The following MVP variants were observed in gnomAD, a reference collection of about 807,000 sequenced individuals.
MVP encodes the protein lung resistance-related protein.
Under a neutral mutation model 83.5 loss-of-function variants are expected in MVP, and 62 were observed. The observed-to-expected ratio is 0.74, with a 90% confidence interval of 0.61 to 0.92. The LOEUF (loss-of-function observed/expected upper bound fraction) is 0.92, where lower values mean the gene tolerates loss of function less well. Among genes scored for constraint, MVP ranks in the 40% least tolerant of loss-of-function variants. MVP has a pLI of 0.00. For missense variants in MVP, 1,000 were observed against 1,203.4 expected (o/e 0.83, Z 2.50); for synonymous variants, 505 against 504.1 (o/e 1.00, Z -0.02).
Position 29,833,821 on chromosome 16 carries a change from TG to T in MVP, c.412del (p.Val138TrpfsTer54). Reference sequence around the variant, plus strand: ...TTTGAGGATAAAGATGGAGACAAGGTGGTGGCAGGAGATGAGTGGCTTTTCG... The same window carrying T: ...TTTGAGGATAAAGATGGAGACAAGGTGTGGCAGGAGATGAGTGGCTTTTCG... ...LDFEDKDGDK[V>X]VAGDEWLFEG... On this transcript the variant is annotated frameshift_variant, in exon 4 of 15. Coordinates refer to ENST00000357402, the MANE Select transcript of MVP (RefSeq NM_005115.5). LOFTEE classifies it high-confidence loss of function. 1 of 1,614,036 alleles carries T rather than the reference TG, an allele frequency of 6.2e-7. No individual in the cohort carries two copies. The highest frequency in any genetic ancestry group is 8.5e-7 in the Non-Finnish European group (1 of 1,180,000).
Position 29,836,791 on chromosome 16 carries a change from G to A in MVP, c.742G>A (p.Glu248Lys), listed in dbSNP as rs753691308. 1 of 1,613,364 alleles carries A rather than the reference G, an allele frequency of 6.2e-7. No individual in the cohort carries two copies. Among genetic ancestry groups the A allele is most frequent in the South Asian group, 1.1e-5 (1 of 91,026 alleles). The change falls in exon 7 of 15, where the codon GAG becomes AAG. Residue 248 changes from glutamate (E) to lysine (K), a missense_variant. Physicochemically the swap from Glu to Lys is moderately conservative, Grantham distance 56. Coordinates refer to ENST00000357402, the MANE Select transcript of MVP (RefSeq NM_005115.5). ...FRGVSRRTGE[E>K]WLVTVQDTEA... The stretch of plus-strand genomic sequence containing the variant: ...GGGAGTGTCCCGCCGCACTGGGGAG[G>A]AGTGGCTGGTAACAGTGCAGGACAC...
chr16:29,837,079 ATGC>A (rs1327299613), intron 7 of MVP, 121 bp downstream of exon 7: 1 of 905,470 alleles, frequency 1.1e-6, no homozygotes, highest in African/African-American at 1.7e-5. Context: ...GTGCCTTTGC[ATGC>A]TTAGTTCTTA....
rs1391186699 is a variant in MVP at position 29,834,002 on chromosome 16, C to G, written c.513C>G (p.Asn171Lys). The part of the protein sequence containing the change: ...EIIQATIIRQ[N>K]QALRLRARKE... The stretch of plus-strand genomic sequence containing the variant: ...TTCAGGCCACCATCATCAGGCAGAA[C>G]CAGGCTCTGCGGCTCAGGGCCCGCA... The change falls in exon 5 of 15, where the codon AAC becomes AAG. Residue 171 changes from asparagine (N) to lysine (K), a missense_variant. Coordinates refer to ENST00000357402, the MANE Select transcript of MVP (RefSeq NM_005115.5). 6.2e-7 allele frequency: 1 copy of G among 1,614,108 alleles called. No homozygotes were observed.
At position 29,832,367 on chromosome 16, in the gene MVP, G is replaced by A. The variant is rs560370804; in HGVS notation, c.321+1294G>A. Among the ~76,000 whole-genome samples the A allele has an allele frequency of 5.7e-4, 77 of 135,002 alleles. 1 individual carries two copies. Among genetic ancestry groups the A allele is most frequent in the Admixed American group, 2.3e-3 (27 of 11,842 alleles). The allele number at this position is 135,002 out of a possible 152,430, so 88.6% of individuals were successfully genotyped here. A position where few individuals can be genotyped will look rare whatever the true frequency, so the allele number is the denominator to read the frequency against. Reference sequence around the variant, plus strand: ...GGCTGGAGTACAGTGGCATAATCTCGGCTAACTGGAAGCTCTGCCTCCCAG... The same window carrying A: ...GGCTGGAGTACAGTGGCATAATCTCAGCTAACTGGAAGCTCTGCCTCCCAG... On this transcript the variant is annotated intron_variant, in intron 3 of 14. Transcript: ENST00000357402.
chr16:29,843,368 G>A (rs2067550130), intron 10 of MVP, among the ~76,000 whole-genome samples: 1 of 150,946 alleles, frequency 6.6e-6, no homozygotes, highest in South Asian at 2.1e-4. Flanking sequence ...GGTGGTACAT[G>A]TCTATAGACC....
At chr16:29,830,234 T>G (rs1010383527) in intron 1 of MVP, 67 of 252,722 alleles carry the variant, frequency 2.7e-4, no homozygotes, top group Non-Finnish European at 5.5e-5. Flanking sequence ...TAGGGGGAAG[T>G]AGTTGATGGG....
At chr16:29,827,702 C>T (rs1250245676) in intron 1 of MVP, among the ~76,000 whole-genome samples, 1 of 152,076 alleles carries the variant, frequency 6.6e-6, no homozygotes, top group Non-Finnish European at 1.5e-5. Flanking sequence ...TTGCTTGAGC[C>T]CAGGAGTTCG....
chr16:29,832,201 G>A (rs562919920), intron 3 of MVP, among the ~76,000 whole-genome samples: 2 of 151,968 alleles, frequency 1.3e-5, no homozygotes, highest in Non-Finnish European at 2.9e-5. Context: ...CAGTTTGGGG[G>A]AAGAAGTGTG....
At chr16:29,843,909 T>G (rs1462307342) in intron 10 of MVP, among the ~76,000 whole-genome samples, 1 of 151,980 alleles carries the variant, frequency 6.6e-6, no homozygotes, top group Admixed American at 6.6e-5. Flanking sequence ...AAAAAGAATA[T>G]TCAATACTCC....
At chr16:29,822,887 T>C (rs1484844601) in intron 1 of MVP, among the ~76,000 whole-genome samples, 3 of 152,080 alleles carry the variant, frequency 2.0e-5, no homozygotes, top group African/African-American at 7.2e-5. Context: ...ACGGCTAATT[T>C]TTGTATTTTT....
rs2067434504 is a variant in MVP, at chr16:29,830,672, G to C, written c.123G>C (p.Glu41Asp). Residue 41 changes from glutamate (E) to aspartate (D), a missense_variant and splice_region_variant, in exon 2 of 15, where the codon GAG (glutamate) becomes GAC (aspartate). By Grantham distance (45) the Glu-to-Asp change is conservative. Coordinates refer to ENST00000357402, the MANE Select transcript of MVP (RefSeq NM_005115.5). ...GPKTYIRQDN[E>D]RVLFAPMRMV... ...AGACCTACATCCGGCAGGACAATGA[G>C]AGGTGGGTGTGGGGGCTGGGCTGTG... The C allele has an allele frequency of 6.2e-7, 1 of 1,613,970 alleles. No individual in the cohort carries two copies. Among genetic ancestry groups the C allele is most frequent in the Non-Finnish European group, 8.5e-7 (1 of 1,179,974 alleles).
In MVP at chr16:29,842,096, C is replaced by A; in HGVS notation, c.1618C>A (p.Gln540Lys). The A allele has an allele frequency of 1.2e-6, 2 of 1,602,876 alleles. No individual in the cohort carries two copies. The part of the protein sequence containing the change: ...ETADHARLQL[Q>K]LAYNWHFEVN... ...GGCGGATCATGCCAGGCTGCAACTG[C>A]AGCTGGCCTACAACTGGTAAAAATG... The change falls in exon 10 of 15, where the codon CAG (glutamine) becomes AAG (lysine). Residue 540 changes from glutamine (Q) to lysine (K), a missense_variant. Coordinates refer to ENST00000357402, the MANE Select transcript of MVP (RefSeq NM_005115.5).
At chr16:29,823,567 TC>T (rs1257081576) in intron 1 of MVP, among the ~76,000 whole-genome samples, 1 of 150,728 alleles carries the variant, frequency 6.6e-6, no homozygotes, top group Non-Finnish European at 1.5e-5. Context: ...ATATTAAGAG[TC>T]AGAGGCCAGG....
rs2067488876 is a variant in MVP, at chr16:29,836,582, A to T, written c.673-140A>T. 4.0e-6 allele frequency: 3 copies of T among 755,472 alleles called. No homozygotes were observed. The South Asian group carries it at 6.0e-5, about 15-fold the overall frequency. The allele number at this position is 755,472 out of a possible 1,614,324, so 46.8% of individuals were successfully genotyped here. A position where few individuals can be genotyped will look rare whatever the true frequency, so the allele number is the denominator to read the frequency against. ...ACAAGAGAGAGACTCCGATTTAAAA[A>T]AAAAAAAAAACAATCCCTGGATTGG... On this transcript the variant is annotated intron_variant, in intron 6 of 14. Transcript: ENST00000357402.
chr16:29,825,406 C>T (rs1009465654), intron 1 of MVP, among the ~76,000 whole-genome samples: 1 of 152,208 alleles, frequency 6.6e-6, no homozygotes, highest in Non-Finnish European at 1.5e-5. Flanking sequence ...GCTCTAACTG[C>T]GCATGTCATC....
chr16:29,838,079 G>A (rs960418991), intron 7 of MVP, among the ~76,000 whole-genome samples: 1 of 152,094 alleles, frequency 6.6e-6, no homozygotes, highest in Non-Finnish European at 1.5e-5. Flanking sequence ...TGGGCACTAC[G>A]TAAACAAGTG....
intron 3 of MVP, among the ~76,000 whole-genome samples, chr16:29,832,830 C>T (rs927860071): frequency 6.6e-6 from 1 of 151,734 alleles, no homozygotes; most frequent in Non-Finnish European, 1.5e-5. Flanking sequence ...TTTGGGAGGC[C>T]AAGGTAGGCA....
At chr16:29,827,424 G>A (rs1023801483) in intron 1 of MVP, among the ~76,000 whole-genome samples, 3 of 152,160 alleles carry the variant, frequency 2.0e-5, no homozygotes, top group African/African-American at 7.2e-5. Flanking sequence ...GGCAGTCTGG[G>A]TTGGAATGGG....
At chr16:29,842,148 G>A (rs2067541291) in intron 10 of MVP, 36 bp downstream of exon 10, 1 of 1,556,294 alleles carries the variant, frequency 6.4e-7, no homozygotes, top group East Asian at 2.3e-5. Context: ...GTGCATTCCT[G>A]GAATCCCAGC....
Sources: gnomAD v4.1 joint callset for allele counts (sites outside exome capture counted in the v4.1 genomes callset) on GRCh38, gnomAD v4.1.1 for gene constraint, MANE v1.5 for transcripts, NCBI Gene and HGNC (gene_info 2026-07-23, HGNC 2026-07-21) for gene names.